Variants in SPRYD4 observed in about 807,000 individuals in gnomAD.
SPRYD4 encodes the protein SPRY domain-containing protein 4.
Under a neutral mutation model 16.6 loss-of-function variants are expected in SPRYD4, and 12 were observed. That is an observed-to-expected ratio of 0.72 (90% CI 0.46 to 1.17). The LOEUF (loss-of-function observed/expected upper bound fraction) is 1.17. Ranked by LOEUF, SPRYD4 falls within the 50% of genes most tolerant of loss-of-function variation. The pLI is 0.00. For synonymous variants in SPRYD4, 98 were observed against 105.4 expected (o/e 0.93, Z 0.43); for missense variants, 260 against 260.2 (o/e 1.00, Z 0.00).
At position 56,470,678 on chromosome 12, in the gene SPRYD4, TC is replaced by T. The variant is rs1256539664; in HGVS notation, c.*1104del. The T allele has an allele frequency of 6.6e-6, 1 of 152,162 alleles. No homozygotes were observed. Among genetic ancestry groups the T allele is most frequent in the Non-Finnish European group, 1.5e-5 (1 of 68,058 alleles). 9.4% of individuals were successfully genotyped at this position (152,162 alleles called of 1,614,324 possible). ...CTTCATTTCTGCCACAGTTGGAACT[TC>T]CCGAGGAAGGAAGGAGGCCTGAGGT... On this transcript the variant is annotated 3_prime_UTR_variant, in exon 2 of 2. Transcript: ENST00000338146.
chr12:56,479,403 G>A lies in SPRYD4; in HGVS notation c.*9826G>A, dbSNP rs1870104906. On this transcript the variant is annotated 3_prime_UTR_variant, in exon 2 of 2. Coordinates refer to ENST00000338146, the MANE Select transcript of SPRYD4 (RefSeq NM_207344.4). ...GGAAAGACACTATGTCTTGGGATAT[G>A]AGAAAAAAAATAAATACCAGAATAA... 2 of 495,070 alleles carry A rather than the reference G, an allele frequency of 4.0e-6. No homozygotes were observed. Among genetic ancestry groups the A allele is most frequent in the Middle Eastern group, 5.3e-4 (1 of 1,892 alleles). The allele number at this position is 495,070 out of a possible 1,614,324, so 30.7% of individuals were successfully genotyped here.
At position 56,477,452 on chromosome 12, in the gene SPRYD4, G is replaced by C. The variant is rs542855957; in HGVS notation, c.*7875G>C. Reference sequence around the variant, plus strand: ...ATGGGTGGGGGCAGGGAACAGTACTGAGTGGGGATGACGGAGGTGGTGCAG... The same window carrying C: ...ATGGGTGGGGGCAGGGAACAGTACTCAGTGGGGATGACGGAGGTGGTGCAG... On this transcript the variant is annotated 3_prime_UTR_variant, in exon 2 of 2. Transcript: ENST00000338146. 9.9e-4 allele frequency: 520 copies of C among 523,168 alleles called. 3 individuals are homozygous for C. Among genetic ancestry groups the C allele is most frequent in the Non-Finnish European group, 9.3e-4 (272 of 291,266 alleles). 32.4% of individuals were successfully genotyped at this position (523,168 alleles called of 1,614,324 possible).
chr12:56,478,028 A>G lies in SPRYD4; in HGVS notation c.*8451A>G. The G allele has an allele frequency of 6.2e-7, 1 of 1,614,212 alleles. No homozygotes were observed. The highest frequency in any genetic ancestry group is 8.5e-7 in the Non-Finnish European group (1 of 1,180,028). ...GTCAGTGCCTAGGGTGCTTATGGAG[A>G]TGGCATAGGTGAGGGGCTTCACACA... On this transcript the variant is annotated 3_prime_UTR_variant, in exon 2 of 2. Coordinates refer to ENST00000338146, the MANE Select transcript of SPRYD4 (RefSeq NM_207344.4).
Position 56,474,820 on chromosome 12 carries a change from C to T in SPRYD4, c.*5243C>T. The T allele has an allele frequency of 6.2e-7, 1 of 1,614,052 alleles. No homozygotes were observed. Among genetic ancestry groups the T allele is most frequent in the Non-Finnish European group, 8.5e-7 (1 of 1,179,968 alleles). ...GGGCAAGGACAGTCTGTCCTGTTCC[C>T]TCGGCCCTGAGCAGTGTTTTCTTAC... On this transcript the variant is annotated 3_prime_UTR_variant, in exon 2 of 2. Transcript: ENST00000338146.
In SPRYD4 at chr12:56,473,137, C is replaced by T. The variant is rs1869462321; in HGVS notation, c.*3560C>T. 1.5e-5 allele frequency: 18 copies of T among 1,170,962 alleles called. No individual in the cohort carries two copies. The highest frequency in any genetic ancestry group is 2.1e-5 in the Non-Finnish European group (17 of 792,036). The allele number at this position is 1,170,962 out of a possible 1,614,324, so 72.5% of individuals were successfully genotyped here. A position where few individuals can be genotyped will look rare whatever the true frequency, so the allele number is the denominator to read the frequency against. On this transcript the variant is annotated 3_prime_UTR_variant, in exon 2 of 2. Coordinates refer to ENST00000338146, the MANE Select transcript of SPRYD4 (RefSeq NM_207344.4). ...ATCTCCTGACCTTGTGATCCGCCCG[C>T]CTTGGCCTCTCAAAGTGCAGGGATT...
Position 56,469,818 on chromosome 12 carries a change from T to A in SPRYD4, c.*241T>A. ...TTCCTAGGCTACCATGGGTGTATCT[T>A]CCTTGACCTGCTTCCTTCAGTCCCT... is the stretch of plus-strand genomic sequence containing the variant. On this transcript the variant is annotated 3_prime_UTR_variant, in exon 2 of 2. Transcript: ENST00000338146. 1.8e-6 allele frequency: 1 copy of A among 542,986 alleles called. No homozygotes were observed. Among genetic ancestry groups the A allele is most frequent in the Non-Finnish European group, 3.3e-6 (1 of 303,364 alleles). The allele number at this position is 542,986 out of a possible 1,614,324, so 33.6% of individuals were successfully genotyped here. A position where few individuals can be genotyped will look rare whatever the true frequency, so the allele number is the denominator to read the frequency against.
Position 56,477,982 on chromosome 12 carries a change from G to A in SPRYD4, c.*8405G>A. On this transcript the variant is annotated 3_prime_UTR_variant, in exon 2 of 2. Coordinates refer to ENST00000338146, the MANE Select transcript of SPRYD4 (RefSeq NM_207344.4). ...TGTAGCGCAGGCCACTTGGCTCTTT[G>A]CCCACAAACTTGTGCACGTAGTCAG... 3 of 1,614,212 alleles carry A rather than the reference G, an allele frequency of 1.9e-6. No homozygotes were observed. Among genetic ancestry groups the A allele is most frequent in the Non-Finnish European group, 2.5e-6 (3 of 1,180,030 alleles).
rs1565702781 is a variant in SPRYD4, at chr12:56,474,816, T to G, written c.*5239T>G. 1 of 1,614,032 alleles carries G rather than the reference T, an allele frequency of 6.2e-7. No individual in the cohort carries two copies. The highest frequency in any genetic ancestry group is 2.2e-5 in the East Asian group (1 of 44,866). On this transcript the variant is annotated 3_prime_UTR_variant, in exon 2 of 2. Coordinates refer to ENST00000338146, the MANE Select transcript of SPRYD4 (RefSeq NM_207344.4). The stretch of plus-strand genomic sequence containing the variant: ...GCAAGGGCAAGGACAGTCTGTCCTG[T>G]TCCCTCGGCCCTGAGCAGTGTTTTC...
chr12:56,473,541 G>A lies in SPRYD4; in HGVS notation c.*3964G>A. ...ACAGGCACATCATTCCCATGACATT[G>A]GGTACCACCAGGAGGATGGCTCCTG... On this transcript the variant is annotated 3_prime_UTR_variant, in exon 2 of 2. Transcript: ENST00000338146. 6.2e-7 allele frequency: 1 copy of A among 1,613,492 alleles called. No individual in the cohort carries two copies. The highest frequency in any genetic ancestry group is 8.5e-7 in the Non-Finnish European group (1 of 1,180,006).
Position 56,476,069 on chromosome 12 carries a change from C to A in SPRYD4, c.*6492C>A. The A allele has an allele frequency of 8.2e-7, 1 of 1,223,770 alleles. No individual in the cohort carries two copies. The highest frequency in any genetic ancestry group is 1.2e-5 in the South Asian group (1 of 80,936). The allele number at this position is 1,223,770 out of a possible 1,614,324, so 75.8% of individuals were successfully genotyped here. A position where few individuals can be genotyped will look rare whatever the true frequency, so the allele number is the denominator to read the frequency against. ...GATCTAGTGGAGTTCTAGTGTTAGTCTGGTCCTGCTGCTGCAAATGTGTTC... is the reference window on the plus strand; with the variant it reads ...GATCTAGTGGAGTTCTAGTGTTAGTATGGTCCTGCTGCTGCAAATGTGTTC... On this transcript the variant is annotated 3_prime_UTR_variant, in exon 2 of 2. Coordinates refer to ENST00000338146, the MANE Select transcript of SPRYD4 (RefSeq NM_207344.4).
Position 56,475,859 on chromosome 12 carries a change from T to C in SPRYD4, c.*6282T>C, listed in dbSNP as rs1046427344. The C allele has an allele frequency of 1.4e-5, 21 of 1,474,146 alleles. No individual in the cohort carries two copies. In the Middle Eastern group the frequency reaches 5.2e-4, roughly 37 times the overall value. 91.3% of individuals were successfully genotyped at this position (1,474,146 alleles called of 1,614,324 possible). On this transcript the variant is annotated 3_prime_UTR_variant, in exon 2 of 2. Transcript: ENST00000338146. Reference sequence around the variant, plus strand: ...TAGTATGGGCTGGTGCACCTGGTAGTGGGGTTAGAGAGCCACTGGGGCAGC... The same window carrying C: ...TAGTATGGGCTGGTGCACCTGGTAGCGGGGTTAGAGAGCCACTGGGGCAGC...
In SPRYD4 at chr12:56,470,885, T is replaced by C. The variant is rs983390726; in HGVS notation, c.*1308T>C. Reference sequence around the variant, plus strand: ...TTGACCCTGTGATTCCATCTTTTTCTACCTTCTATGATGGTGATGAAGCTA... The same window carrying C: ...TTGACCCTGTGATTCCATCTTTTTCCACCTTCTATGATGGTGATGAAGCTA... On this transcript the variant is annotated 3_prime_UTR_variant, in exon 2 of 2. Coordinates refer to ENST00000338146, the MANE Select transcript of SPRYD4 (RefSeq NM_207344.4). 3 of 152,452 alleles carry C rather than the reference T, an allele frequency of 2.0e-5. No homozygotes were observed. Among genetic ancestry groups the C allele is most frequent in the African/African-American group, 7.2e-5 (3 of 41,424 alleles). 9.4% of individuals were successfully genotyped at this position (152,452 alleles called of 1,614,324 possible). A position where few individuals can be genotyped will look rare whatever the true frequency, so the allele number is the denominator to read the frequency against.
chr12:56,474,028 G>T lies in SPRYD4; in HGVS notation c.*4451G>T, dbSNP rs1391115452. 1 of 178,856 alleles carries T rather than the reference G, an allele frequency of 5.6e-6. No homozygotes were observed. Among genetic ancestry groups the T allele is most frequent in the Non-Finnish European group, 1.2e-5 (1 of 84,246 alleles). 11.1% of individuals were successfully genotyped at this position (178,856 alleles called of 1,614,324 possible). ...ATGACATCTAAGCTGAGACCCCAAG[G>T]AGAAGAGCCAGCAATGTGAAGCACA... On this transcript the variant is annotated 3_prime_UTR_variant, in exon 2 of 2. Coordinates refer to ENST00000338146, the MANE Select transcript of SPRYD4 (RefSeq NM_207344.4).
At position 56,469,406 on chromosome 12, in the gene SPRYD4, G is replaced by A. The variant is rs140164688; in HGVS notation, c.453G>A (p.Val151=). 22 of 1,614,016 alleles carry A rather than the reference G, an allele frequency of 1.4e-5. No homozygotes were observed. In the African/African-American group the frequency reaches 2.5e-4, roughly 19 times the overall value. ...PVEGIGQPEK[V]GLLLEYEAQK... Reference sequence around the variant, plus strand: ...AGGGTATTGGGCAGCCAGAGAAGGTGGGGCTGTTGCTGGAGTATGAGGCCC... The same window carrying A: ...AGGGTATTGGGCAGCCAGAGAAGGTAGGGCTGTTGCTGGAGTATGAGGCCC... Residue 151 remains valine, a synonymous_variant, in exon 2 of 2, where the codon GTG becomes GTA. Transcript: ENST00000338146.
At position 56,473,406 on chromosome 12, in the gene SPRYD4, C is replaced by T. The variant is rs1463109266; in HGVS notation, c.*3829C>T. The T allele has an allele frequency of 2.5e-6, 4 of 1,602,704 alleles. No individual in the cohort carries two copies. The highest frequency in any genetic ancestry group is 2.7e-5 in the African/African-American group (2 of 74,414). ...TTGCTTTATTATAGTAAAAGTGGTA[C>T]CATTAAACAAATTTATTGCTTCAAA... is the stretch of plus-strand genomic sequence containing the variant. On this transcript the variant is annotated 3_prime_UTR_variant, in exon 2 of 2. Transcript: ENST00000338146.
Position 56,472,477 on chromosome 12 carries a change from A to C in SPRYD4, c.*2900A>C, listed in dbSNP as rs1335093687. 3.3e-6 allele frequency: 2 copies of C among 608,414 alleles called. No individual in the cohort carries two copies. The highest frequency in any genetic ancestry group is 5.8e-6 in the Non-Finnish European group (2 of 346,368). 37.7% of individuals were successfully genotyped at this position (608,414 alleles called of 1,614,324 possible). On this transcript the variant is annotated 3_prime_UTR_variant, in exon 2 of 2. Transcript: ENST00000338146. ...TACTTCCTAGGACACTGCTCTTAAC[A>C]CTCAATAACAATGGCTAACATTAAT...
Position 56,475,536 on chromosome 12 carries a change from T to C in SPRYD4, c.*5959T>C. Reference sequence around the variant, plus strand: ...CCCTGGGATTTCTTCCTCCTAAGATTCTCTCTCCCCCATTCCTCTTGTCCC... The same window carrying C: ...CCCTGGGATTTCTTCCTCCTAAGATCCTCTCTCCCCCATTCCTCTTGTCCC... On this transcript the variant is annotated 3_prime_UTR_variant, in exon 2 of 2. Coordinates refer to ENST00000338146, the MANE Select transcript of SPRYD4 (RefSeq NM_207344.4). 7.3e-7 allele frequency: 1 copy of C among 1,366,114 alleles called. No homozygotes were observed. Among genetic ancestry groups the C allele is most frequent in the South Asian group, 1.2e-5 (1 of 80,478 alleles). 84.6% of individuals were successfully genotyped at this position (1,366,114 alleles called of 1,614,324 possible).
intron 1 of SPRYD4, 162 bp from the exon 2 acceptor site, chr12:56,468,877 G>A: frequency 9.5e-7 from 1 of 1,056,290 alleles, no homozygotes; most frequent in Non-Finnish European, 1.3e-6. Flanking sequence ...AGCTCCGTGA[G>A]CTATCCGTAG....
rs1592278487 is a variant in SPRYD4, at chr12:56,478,368, T to C, written c.*8791T>C. 4.9e-6 allele frequency: 6 copies of C among 1,220,918 alleles called. No homozygotes were observed. The highest frequency in any genetic ancestry group is 1.5e-5 in the African/African-American group (1 of 67,072). The allele number at this position is 1,220,918 out of a possible 1,614,324, so 75.6% of individuals were successfully genotyped here. ...TTAGATAAAAGCTAAAATTCTGTCT[T>C]CTATAGGGCAGAGGGGTTCCCTCCT... On this transcript the variant is annotated 3_prime_UTR_variant, in exon 2 of 2. Transcript: ENST00000338146.
Sources: allele counts gnomAD v4.1 joint callset, GRCh38; gene constraint gnomAD v4.1.1; transcripts MANE v1.5; gene names NCBI Gene and HGNC (gene_info 2026-07-23, HGNC 2026-07-21).